Variants in AK9 observed in about 807,000 individuals in gnomAD.
AK9 encodes the protein adenylate kinase 9, also known as adenylate kinase domain containing 1.
A neutral mutation model predicts 239.6 loss-of-function variants in AK9; 191 were observed. The ratio of observed to expected loss-of-function variants is 0.80; its 90% CI spans 0.71 to 0.90. The LOEUF (loss-of-function observed/expected upper bound fraction) is 0.90. AK9 is among the 40% of genes least tolerant of loss of function. The pLI is 0.00. For synonymous variants in AK9, 689 were observed against 721.0 expected, an observed-to-expected ratio of 0.96 and a Z score of 0.71; for missense variants, 1,995 against 2,214.7, an observed-to-expected ratio of 0.90 and a Z score of 1.99.
Position 109,614,300 on chromosome 6 carries a change from C to A in AK9, c.1496-4G>T, listed in dbSNP as rs1276990135. ...CTTTGGGAGCCTTGAATGTACCCTG[C>A]AATGAAAGAATAATATACTTTATCA... On this transcript the variant is annotated splice_region_variant and splice_polypyrimidine_tract_variant and intron_variant, in intron 14 of 40. Coordinates refer to ENST00000424296, the MANE Select transcript of AK9 (RefSeq NM_001145128.3). 6.4e-7 allele frequency: 1 copy of A among 1,550,932 alleles called. No homozygotes were observed. The highest frequency in any genetic ancestry group is 2.0e-5 in the Admixed American group (1 of 50,964).
intron 13 of AK9, among the ~76,000 whole-genome samples, chr6:109,618,871 G>A (rs146917174): frequency 3.4e-3 from 429 of 127,892 alleles, no homozygotes; most frequent in African/African-American, 0.011. Flanking sequence ...TCCAAATTTA[G>A]AGGCTCATTC....
At chr6:109,625,915 T>C (rs543707170) in intron 12 of AK9, among the ~76,000 whole-genome samples, 2 of 93,448 alleles carry the variant, frequency 2.1e-5, no homozygotes, top group Admixed American at 2.4e-4. Context: ...TATCTTCAAG[T>C]ATTTTTTTTT....
intron 12 of AK9, among the ~76,000 whole-genome samples, chr6:109,631,225 A>G (rs1796058661): frequency 6.6e-6 from 1 of 152,220 alleles, no homozygotes; most frequent in Non-Finnish European, 1.5e-5. Flanking sequence ...TCTGTTTATT[A>G]AAAGATGCCA....
chr6:109,549,236 C>G (rs1299651045), intron 25 of AK9, among the ~76,000 whole-genome samples: 1 of 152,140 alleles, frequency 6.6e-6, no homozygotes, highest in Admixed American at 6.5e-5. Flanking sequence ...TTTTTGCAAT[C>G]CAACCAACCA....
intron 6 of AK9, chr6:109,661,038 A>G (rs1162982113): frequency 4.6e-6 from 2 of 431,338 alleles, no homozygotes; most frequent in Admixed American, 2.7e-5. Flanking sequence ...AGGTTCATGA[A>G]TGCTTAGGGA....
intron 12 of AK9, among the ~76,000 whole-genome samples, chr6:109,621,084 C>T (rs1038230719): frequency 4.7e-5 from 7 of 149,548 alleles, no homozygotes; most frequent in Non-Finnish European, 1.0e-4. Context: ...GGGTGAAGGA[C>T]ATGAACAGAC....
intron 25 of AK9, among the ~76,000 whole-genome samples, chr6:109,548,322 C>A (rs1783869470): frequency 6.6e-6 from 1 of 151,994 alleles, no homozygotes; most frequent in African/African-American, 2.4e-5. Context: ...AAAGATAAGA[C>A]ATCAGTTTGA....
At chr6:109,571,144 C>A (rs964149810) in intron 21 of AK9, among the ~76,000 whole-genome samples, 1 of 152,124 alleles carries the variant, frequency 6.6e-6, no homozygotes, top group African/African-American at 2.4e-5. Flanking sequence ...AGATGTAGAC[C>A]AGATGACTAA....
chr6:109,634,591 A>G (rs1796495319), intron 10 of AK9, among the ~76,000 whole-genome samples: 1 of 152,336 alleles, frequency 6.6e-6, no homozygotes, highest in South Asian at 2.1e-4. Flanking sequence ...CTGCAGCATC[A>G]GAGAACAAAG....
intron 12 of AK9, among the ~76,000 whole-genome samples, chr6:109,628,798 C>T (rs534304694): frequency 1.7e-4 from 26 of 152,160 alleles, no homozygotes; most frequent in Admixed American, 5.2e-4. Context: ...TGTCTATTTT[C>T]CTAGCATTGC....
intron 8 of AK9, among the ~76,000 whole-genome samples, chr6:109,651,411 T>A (rs1441295345): frequency 6.6e-6 from 1 of 152,154 alleles, no homozygotes; most frequent in Non-Finnish European, 1.5e-5. Context: ...TGGGACATAT[T>A]CAAAGCAGTG....
At chr6:109,620,138 T>C (rs947371596) in intron 12 of AK9, among the ~76,000 whole-genome samples, 1 of 152,188 alleles carries the variant, frequency 6.6e-6, no homozygotes, top group Non-Finnish European at 1.5e-5. Flanking sequence ...AGTCTTTTTG[T>C]GGTTATGTGT....
intron 10 of AK9, among the ~76,000 whole-genome samples, chr6:109,638,622 G>A (rs1797004525): frequency 6.6e-6 from 1 of 151,968 alleles, no homozygotes; most frequent in Non-Finnish European, 1.5e-5. Context: ...TGGGACGATG[G>A]GCATGTGCTA....
chr6:109,509,843 G>T (rs565179247), intron 32 of AK9, among the ~76,000 whole-genome samples: 9 of 152,202 alleles, frequency 5.9e-5, no homozygotes, highest in African/African-American at 2.2e-4. Flanking sequence ...CCTGGGTGCA[G>T]CTTGGGGGGT....
At chr6:109,535,608 A>C (rs1781871564) in intron 27 of AK9, among the ~76,000 whole-genome samples, 1 of 152,126 alleles carries the variant, frequency 6.6e-6, no homozygotes, top group Non-Finnish European at 1.5e-5. Context: ...TCTTTAGTTT[A>C]ATTAGATCCC....
At position 109,619,204 on chromosome 6, in the gene AK9, A is replaced by C; in HGVS notation, c.1287T>G (p.Arg429=). 1 of 1,549,624 alleles carries C rather than the reference A, an allele frequency of 6.5e-7. No homozygotes were observed. Among genetic ancestry groups the C allele is most frequent in the Non-Finnish European group, 8.7e-7 (1 of 1,146,142 alleles). The change falls in exon 13 of 41, where the codon CGT becomes CGG. Residue 429 remains arginine, a synonymous_variant. Coordinates refer to ENST00000424296, the MANE Select transcript of AK9 (RefSeq NM_001145128.3). ...VVDYAQLVQP[R]FDKARETLVE... is the part of the protein sequence containing the mutation. ...CTAATGTTTCACGGGCTTTATCAAAACGTGGCTGAACAAGTTGGGCATAGT... is the reference window on the plus strand; with the variant it reads ...CTAATGTTTCACGGGCTTTATCAAACCGTGGCTGAACAAGTTGGGCATAGT...
intron 27 of AK9, among the ~76,000 whole-genome samples, chr6:109,537,613 G>T (rs1054257670): frequency 1.3e-5 from 2 of 149,396 alleles, no homozygotes; most frequent in Admixed American, 1.3e-4. Flanking sequence ...TTTCAGTTCT[G>T]ACCTGATCTT....
Position 109,576,838 on chromosome 6 carries a change from T to C in AK9, c.2191+2712A>G, listed in dbSNP as rs189836759. 1.1e-3 allele frequency among the ~76,000 whole-genome samples: 168 copies of C among 151,612 alleles called. 1 individual carries two copies. The highest frequency in any genetic ancestry group is 4.0e-3 in the African/African-American group (165 of 41,408). Reference sequence around the variant, plus strand: ...TGTGGGTTTGTCATAGATTTCTTTTTTTTTTTTTTTGAGACAGACTCTCAC... The same window carrying C: ...TGTGGGTTTGTCATAGATTTCTTTTCTTTTTTTTTTGAGACAGACTCTCAC... On this transcript the variant is annotated intron_variant, in intron 20 of 40. Transcript: ENST00000424296.
chr6:109,629,794 G>A lies in AK9; in HGVS notation c.1254+3129C>T, dbSNP rs192699159. 1.9e-3 allele frequency among the ~76,000 whole-genome samples: 296 copies of A among 152,018 alleles called. 1 individual carries two copies. Among genetic ancestry groups the A allele is most frequent in the African/African-American group, 6.7e-3 (279 of 41,460 alleles). On this transcript the variant is annotated intron_variant, in intron 12 of 40. Coordinates refer to ENST00000424296, the MANE Select transcript of AK9 (RefSeq NM_001145128.3). The stretch of plus-strand genomic sequence containing the variant: ...ACTACAGGCGCCCGTCACCGTGCCC[G>A]GCTAATTTTTTTGTATTTTTAGTAG...
Sources: allele counts gnomAD v4.1 joint callset (sites outside exome capture counted in the v4.1 genomes callset), GRCh38; gene constraint gnomAD v4.1.1; transcripts MANE v1.5; gene names NCBI Gene and HGNC (gene_info 2026-07-23, HGNC 2026-07-21).